The following SH3GL2 variants were observed in gnomAD, a reference collection of about 807,000 sequenced individuals.
SH3GL2 encodes the protein endophilin-A1.
SH3GL2 carries 24 observed loss-of-function variants against 46.0 expected under a neutral mutation model. The ratio of observed to expected loss-of-function variants is 0.52; its 90% CI spans 0.38 to 0.73. SH3GL2 has a LOEUF of 0.73. Ranked by LOEUF, SH3GL2 falls within the 30% of genes least tolerant of loss-of-function variation. SH3GL2 has a pLI of 0.00. For synonymous variants in SH3GL2, 196 were observed against 147.1 expected, an observed-to-expected ratio of 1.33 and a Z score of -2.40; for missense variants, 413 against 424.2, an observed-to-expected ratio of 0.97 and a Z score of 0.23.
intron 4 of SH3GL2, 63 bp downstream of exon 4, chr9:17,786,587 A>G (rs541557084): frequency 6.5e-7 from 1 of 1,542,938 alleles, no homozygotes; most frequent in South Asian, 1.1e-5. Flanking sequence ...GGTGCTGGTA[A>G]GAAATTCTGT....
intron 1 of SH3GL2, among the ~76,000 whole-genome samples, chr9:17,710,851 A>C (rs557778663): frequency 9.9e-5 from 15 of 152,080 alleles, no homozygotes; most frequent in Admixed American, 2.0e-4. Flanking sequence ...GTATGTTCCA[A>C]AATCCCCAAT....
intron 1 of SH3GL2, among the ~76,000 whole-genome samples, chr9:17,585,842 A>T (rs1401845633): frequency 6.6e-6 from 1 of 152,184 alleles, no homozygotes; most frequent in Non-Finnish European, 1.5e-5. Flanking sequence ...GTGGGAATGA[A>T]TGTTGAGGCA....
At chr9:17,788,969 G>C (rs1824042952) in intron 5 of SH3GL2, among the ~76,000 whole-genome samples, 1 of 152,186 alleles carries the variant, frequency 6.6e-6, no homozygotes, top group Non-Finnish European at 1.5e-5. Context: ...TTAATTTCAA[G>C]GAAAGAGTTT....
intron 3 of SH3GL2, among the ~76,000 whole-genome samples, chr9:17,766,540 A>G (rs917617216): frequency 3.3e-5 from 5 of 152,234 alleles, no homozygotes; most frequent in Non-Finnish European, 5.9e-5. Context: ...TGCAAGCCAC[A>G]TATGTAATTT....
chr9:17,750,347 G>T (rs1030238665), intron 2 of SH3GL2, among the ~76,000 whole-genome samples: 5 of 151,978 alleles, frequency 3.3e-5, no homozygotes, highest in Non-Finnish European at 7.4e-5. Flanking sequence ...ATAAATTAGA[G>T]GTTTGCTTCA....
intron 1 of SH3GL2, among the ~76,000 whole-genome samples, chr9:17,740,046 G>T (rs1822479160): frequency 6.6e-6 from 1 of 152,000 alleles, no homozygotes; most frequent in Non-Finnish European, 1.5e-5. Context: ...GAAAATCAGT[G>T]TTCATCCTGT....
At chr9:17,606,431 C>T (rs1210765495) in intron 1 of SH3GL2, among the ~76,000 whole-genome samples, 1 of 152,124 alleles carries the variant, frequency 6.6e-6, no homozygotes. Context: ...CAGAAGCTTC[C>T]CAAGTGTTAC....
intron 1 of SH3GL2, among the ~76,000 whole-genome samples, chr9:17,642,551 A>G (rs1188340991): frequency 1.3e-5 from 2 of 152,196 alleles, no homozygotes; most frequent in Admixed American, 1.3e-4. Context: ...GAAGGGGTCC[A>G]GTTTCAGTTT....
At chr9:17,759,434 A>G (rs1348243361) in intron 2 of SH3GL2, among the ~76,000 whole-genome samples, 1 of 152,166 alleles carries the variant, frequency 6.6e-6, no homozygotes, top group Non-Finnish European at 1.5e-5. Context: ...CCTCTCTTTC[A>G]GATTGGGAGA....
chr9:17,729,311 G>A (rs1483890599), intron 1 of SH3GL2, among the ~76,000 whole-genome samples: 1 of 134,468 alleles, frequency 7.4e-6, no homozygotes, highest in Non-Finnish European at 1.5e-5. Context: ...TTTTGATGGG[G>A]ATTTTTTTTT....
chr9:17,641,138 C>A (rs1220967859), intron 1 of SH3GL2, among the ~76,000 whole-genome samples: 1 of 152,050 alleles, frequency 6.6e-6, no homozygotes, highest in Non-Finnish European at 1.5e-5. Context: ...CTAATTATTA[C>A]CAAGTTTCCA....
chr9:17,634,246 G>A (rs567763469), intron 1 of SH3GL2, among the ~76,000 whole-genome samples: 1 of 152,284 alleles, frequency 6.6e-6, no homozygotes, highest in South Asian at 2.1e-4. Context: ...AACTGCAGTG[G>A]TGATGATACA....
chr9:17,689,208 A>G (rs554855738), intron 1 of SH3GL2, among the ~76,000 whole-genome samples: 5 of 152,208 alleles, frequency 3.3e-5, no homozygotes, highest in African/African-American at 1.2e-4. Context: ...GGGTCATCCT[A>G]TAATATACCT....
intron 1 of SH3GL2, among the ~76,000 whole-genome samples, chr9:17,696,906 C>T (rs1563816660): frequency 6.6e-6 from 1 of 152,184 alleles, no homozygotes; most frequent in Non-Finnish European, 1.5e-5. Flanking sequence ...CCTTCCATCA[C>T]TTTCTGGGAC....
At position 17,765,889 on chromosome 9, in the gene SH3GL2, T is replaced by C. The variant is rs191233474; in HGVS notation, c.187+4380T>C. 8.5e-5 allele frequency among the ~76,000 whole-genome samples: 13 copies of C among 152,326 alleles called. No homozygotes were observed. In the East Asian group the frequency reaches 2.5e-3, roughly 29 times the overall value. On this transcript the variant is annotated intron_variant, in intron 3 of 8. Transcript: ENST00000380607. The stretch of plus-strand genomic sequence containing the variant: ...AGGCAGCCAACAGGCACTGGGATAT[T>C]GGAATAAATGAATTATGAAGCACAG...
intron 1 of SH3GL2, among the ~76,000 whole-genome samples, chr9:17,735,406 T>C (rs1344677399): frequency 1.3e-5 from 2 of 152,128 alleles, no homozygotes; most frequent in African/African-American, 2.4e-5. Flanking sequence ...CCCTATATAT[T>C]TGTGTTTGTG....
intron 1 of SH3GL2, among the ~76,000 whole-genome samples, chr9:17,656,730 A>G (rs181524383): frequency 2.6e-4 from 36 of 138,980 alleles, no homozygotes; most frequent in African/African-American, 8.7e-4. Context: ...AGTTAGTGCC[A>G]CTGCACTGCA....
At position 17,614,295 on chromosome 9, in the gene SH3GL2, G is replaced by GGAAA. The variant is rs762920242; in HGVS notation, c.45+35008_45+35009insGAAA. ...GTGACAGGGAACATGCATGGTTTCTGAAAAAAAAAAAAAAAAAAAAAAAAA... is the reference window on the plus strand; with the variant it reads ...GTGACAGGGAACATGCATGGTTTCTGGAAAAAAAAAAAAAAAAAAAAAAAAAAAA... On this transcript the variant is annotated intron_variant, in intron 1 of 8. Coordinates refer to ENST00000380607, the MANE Select transcript of SH3GL2 (RefSeq NM_003026.5). 6.4e-4 allele frequency among the ~76,000 whole-genome samples: 45 copies of GGAAA among 70,300 alleles called. 1 individual carries two copies. The highest frequency in any genetic ancestry group is 2.2e-3 in the African/African-American group (38 of 17,370). 46.1% of individuals were successfully genotyped at this position (70,300 alleles called of 152,430 possible). A position where few individuals can be genotyped will look rare whatever the true frequency, so the allele number is the denominator to read the frequency against.
intron 1 of SH3GL2, among the ~76,000 whole-genome samples, chr9:17,688,157 G>T (rs936079485): frequency 6.6e-6 from 1 of 151,976 alleles, no homozygotes; most frequent in African/African-American, 2.4e-5. Flanking sequence ...TTAGCAATGG[G>T]TGCCTCATGT....
Sources: gnomAD v4.1 joint callset for allele counts (sites outside exome capture counted in the v4.1 genomes callset) on GRCh38, gnomAD v4.1.1 for gene constraint, MANE v1.5 for transcripts, NCBI Gene and HGNC (gene_info 2026-07-23, HGNC 2026-07-21) for gene names.